LHX4: variants seen among roughly 807,000 people sequenced by gnomAD.
LHX4 encodes LIM homeobox 4.
LHX4 carries 16 observed loss-of-function variants against 39.2 expected under a neutral mutation model. That is an observed-to-expected ratio of 0.41 (90% CI 0.28 to 0.62). LHX4 has a LOEUF of 0.62. Ranked by LOEUF, LHX4 falls within the 20% of genes least tolerant of loss-of-function variation. The pLI, the probability that LHX4 is intolerant of heterozygous loss-of-function variation, is 0.33. For missense variants in LHX4, 439 were observed against 511.9 expected (o/e 0.86, Z 1.37); for synonymous variants, 206 against 198.1 (o/e 1.04, Z -0.33).
intron 3 of LHX4, among the ~76,000 whole-genome samples, chr1:180,267,876 T>C (rs1401677196): frequency 6.6e-6 from 1 of 152,172 alleles, no homozygotes; most frequent in Admixed American, 6.5e-5. Flanking sequence ...AGGGGATTCA[T>C]AAGGGCCCTT....
upstream of LHX4, among the ~76,000 whole-genome samples, chr1:180,229,971 G>GGT (rs1553278107): frequency 7.1e-6 from 1 of 141,660 alleles, no homozygotes; most frequent in South Asian, 2.3e-4. Flanking sequence ...GGGAGGGGGG[G>GGT]GGGGTGCCGG....
In LHX4 at chr1:180,234,220, T is replaced by TATAAAA. The variant is rs1389328209; in HGVS notation, c.76+3616_76+3617insTAAAAA. Reference sequence around the variant, plus strand: ...ATATATATATATATATATATATATATAATAGATTGAGATTCTATCATATTC... The same window carrying TATAAAA: ...ATATATATATATATATATATATATATATAAAAAATAGATTGAGATTCTATCATATTC... On this transcript the variant is annotated intron_variant, in intron 1 of 5. Transcript: ENST00000263726. The surrounding 1 kb of genome is among the most constrained non-coding windows in gnomAD (Gnocchi z 4.8). Among the ~76,000 whole-genome samples, 32 of 70,202 alleles carry TATAAAA rather than the reference T, an allele frequency of 4.6e-4. 1 individual carries two copies. Among genetic ancestry groups the TATAAAA allele is most frequent in the African/African-American group, 1.7e-3 (23 of 13,242 alleles). 46.1% of individuals were successfully genotyped at this position (70,202 alleles called of 152,430 possible).
At chr1:180,253,394 T>C (rs1174680500) in intron 2 of LHX4, among the ~76,000 whole-genome samples, 1 of 152,240 alleles carries the variant, frequency 6.6e-6, no homozygotes, top group Non-Finnish European at 1.5e-5. Context: ...TGGGTTCAAG[T>C]GTTGCCTGTC....
chr1:180,234,884 C>T lies in LHX4; in HGVS notation c.76+4279C>T, dbSNP rs1383267601. 6.6e-6 allele frequency among the ~76,000 whole-genome samples: 1 copy of T among 152,228 alleles called. No homozygotes were observed. Among genetic ancestry groups the T allele is most frequent in the Non-Finnish European group, 1.5e-5 (1 of 68,036 alleles). ...GCGACCCACATGACCTCGCTACGAC[C>T]GGGGCAGGGCTCCTCCGCCCCGCGG... On this transcript the variant is annotated intron_variant, in intron 1 of 5. Coordinates refer to ENST00000263726, the MANE Select transcript of LHX4 (RefSeq NM_033343.4). This position sits in a 1 kb window ranked among gnomAD's most constrained non-coding sequence, Gnocchi z 4.8.
chr1:180,228,633 C>G (rs1238964402), upstream of LHX4, among the ~76,000 whole-genome samples: 2 of 152,128 alleles, frequency 1.3e-5, no homozygotes, highest in African/African-American at 4.8e-5. Flanking sequence ...TGTATATTGT[C>G]TCGCGCGCGG....
In LHX4 at chr1:180,275,130, T is replaced by C. The variant is rs1648952234; in HGVS notation, c.*551T>C. 6.6e-6 allele frequency: 1 copy of C among 152,334 alleles called. No homozygotes were observed. Among genetic ancestry groups the C allele is most frequent in the South Asian group, 2.1e-4 (1 of 4,836 alleles). 9.4% of individuals were successfully genotyped at this position (152,334 alleles called of 1,614,324 possible). A position where few individuals can be genotyped will look rare whatever the true frequency, so the allele number is the denominator to read the frequency against. On this transcript the variant is annotated 3_prime_UTR_variant, in exon 6 of 6. Coordinates refer to ENST00000263726, the MANE Select transcript of LHX4 (RefSeq NM_033343.4). The stretch of plus-strand genomic sequence containing the variant: ...GAACACTTTGATGGCCAGTTTGATA[T>C]TAAAAACATGCCCCCTCCTTTTTTA...
At chr1:180,265,691 T>C (rs1235318383) in intron 2 of LHX4, among the ~76,000 whole-genome samples, 8 of 152,150 alleles carry the variant, frequency 5.3e-5, no homozygotes, top group Admixed American at 4.6e-4. Flanking sequence ...CCGAATGCTG[T>C]AGGGGCTGAA....
intron 2 of LHX4, among the ~76,000 whole-genome samples, chr1:180,252,810 C>A (rs530888620): frequency 6.6e-6 from 1 of 152,286 alleles, no homozygotes; most frequent in South Asian, 2.1e-4. Context: ...TGGTAACTGG[C>A]AGCAGGGGGC....
At chr1:180,262,918 G>T (rs1214488654) in intron 2 of LHX4, among the ~76,000 whole-genome samples, 1 of 152,202 alleles carries the variant, frequency 6.6e-6, no homozygotes, top group Non-Finnish European at 1.5e-5. Flanking sequence ...CCATTAGCAA[G>T]TCTTCCTTGC....
At chr1:180,260,297 G>A (rs1007771789) in intron 2 of LHX4, among the ~76,000 whole-genome samples, 2 of 151,712 alleles carry the variant, frequency 1.3e-5, no homozygotes, top group South Asian at 2.1e-4. Context: ...CTGCTCAGAG[G>A]TCGGAACTTA....
intron 2 of LHX4, chr1:180,248,837 C>T (rs532222936): frequency 2.0e-4 from 64 of 320,586 alleles, no homozygotes; most frequent in Non-Finnish European, 2.9e-4. Flanking sequence ...TTGTAACATT[C>T]CCACAACTTT....
At position 180,271,494 on chromosome 1, in the gene LHX4, A is replaced by G; in HGVS notation, c.566A>G (p.Gln189Arg). ...SPKPARHVRE[Q>R]LSSETGLDMR... ...AAGCCTGCCCGGCACGTGAGGGAGC[A>G]GCTGTCCTCAGAGACAGGCCTGGAC... Residue 189 changes from glutamine to arginine, a missense_variant, in exon 4 of 6, where the codon CAG becomes CGG. Gln to Arg is a conservative substitution (Grantham distance 43). Transcript: ENST00000263726. 1 of 1,614,148 alleles carries G rather than the reference A, an allele frequency of 6.2e-7. No individual in the cohort carries two copies. The highest frequency in any genetic ancestry group is 2.2e-5 in the East Asian group (1 of 44,862).
chr1:180,233,050 G>C (rs1664217222), intron 1 of LHX4, among the ~76,000 whole-genome samples: 1 of 152,212 alleles, frequency 6.6e-6, no homozygotes, highest in Non-Finnish European at 1.5e-5. Flanking sequence ...GTGTCCCCAA[G>C]CTCGGTGCCT....
At position 180,276,422 on chromosome 1, in the gene LHX4, C is replaced by G. The variant is rs1233546732; in HGVS notation, c.*1843C>G. 6.6e-6 allele frequency: 1 copy of G among 152,174 alleles called. No individual in the cohort carries two copies. Among genetic ancestry groups the G allele is most frequent in the Non-Finnish European group, 1.5e-5 (1 of 68,034 alleles). The allele number at this position is 152,174 out of a possible 1,614,324, so 9.4% of individuals were successfully genotyped here. ...TCTCTGACCAATTTTATAGCGTACC[C>G]TCGTTTTTTGGTGTGCTGCAGTGGT... On this transcript the variant is annotated 3_prime_UTR_variant, in exon 6 of 6. Coordinates refer to ENST00000263726, the MANE Select transcript of LHX4 (RefSeq NM_033343.4).
At position 180,232,648 on chromosome 1, in the gene LHX4, C is replaced by G. The variant is rs1354665502; in HGVS notation, c.76+2043C>G. Among the ~76,000 whole-genome samples the G allele has an allele frequency of 3.3e-5, 5 of 152,186 alleles. No individual in the cohort carries two copies. The highest frequency in any genetic ancestry group is 1.2e-4 in the African/African-American group (5 of 41,446). On this transcript the variant is annotated intron_variant, in intron 1 of 5. Coordinates refer to ENST00000263726, the MANE Select transcript of LHX4 (RefSeq NM_033343.4). This position sits in a 1 kb window ranked among gnomAD's most constrained non-coding sequence, Gnocchi z 5.4. ...TCGGCCAAAATTGAGGGGCCCACTC[C>G]CTGAAGACTTCTGGATCCAGCTTTT... is the stretch of plus-strand genomic sequence containing the variant.
chr1:180,249,401 G>A (rs1401588018), intron 2 of LHX4, among the ~76,000 whole-genome samples: 2 of 152,186 alleles, frequency 1.3e-5, no homozygotes, highest in African/African-American at 2.4e-5. Context: ...TGATGTTGGT[G>A]CCTTAGCCAA....
chr1:180,229,959 C>CGGAGGCGGGGGGGGGGGG (rs1238306398), upstream of LHX4, among the ~76,000 whole-genome samples: 2 of 22,756 alleles, frequency 8.8e-5, no homozygotes, highest in African/African-American at 2.7e-4. Flanking sequence ...GAGGCGGAGG[C>CGGAGGCGGGGGGGGGGGG]GGGGAGGGGG....
intron 1 of LHX4, among the ~76,000 whole-genome samples, chr1:180,235,880 G>A (rs1664304964): frequency 6.6e-6 from 1 of 152,190 alleles, no homozygotes; most frequent in South Asian, 2.1e-4. Flanking sequence ...TGCAGGATGG[G>A]ACCTTATTAT....
At chr1:180,229,922 C>T (rs1029187098), upstream of LHX4, among the ~76,000 whole-genome samples, 1 of 140,742 alleles carries the variant, frequency 7.1e-6, no homozygotes, top group African/African-American at 2.6e-5. Flanking sequence ...ACCCAGGGCG[C>T]GAGCCCGCCA....
Sources: allele counts gnomAD v4.1 joint callset (sites outside exome capture counted in the v4.1 genomes callset), GRCh38; gene constraint gnomAD v4.1.1; non-coding constraint Gnocchi (gnomAD v3.1); transcripts MANE v1.5; gene names NCBI Gene and HGNC (gene_info 2026-07-23, HGNC 2026-07-21).